CACNA1H: variants seen among roughly 807,000 people sequenced by gnomAD.
CACNA1H encodes calcium voltage-gated channel subunit alpha1 H.
In CACNA1H, 149 loss-of-function variants were observed where a neutral mutation model predicts 192.5. The observed-to-expected ratio is 0.77, with a 90% CI of 0.68 to 0.89. The LOEUF (loss-of-function observed/expected upper bound fraction) is 0.89. Among genes scored for constraint, CACNA1H ranks in the 40% least tolerant of loss-of-function variants. The pLI is 0.00. For synonymous variants in CACNA1H, 2,202 were observed against 1,475.2 expected, an observed-to-expected ratio of 1.49 and a Z score of -11.29; for missense variants, 4,257 against 3,423.5, an observed-to-expected ratio of 1.24 and a Z score of -6.08.
At chr16:1,190,025 G>A (rs11860436) in intron 2 of CACNA1H, among the ~76,000 whole-genome samples, 32 of 152,236 alleles carry the variant, frequency 2.1e-4, no homozygotes, top group African/African-American at 7.2e-4. Context: ...CTTGGTCCAG[G>A]GAGATGAAGG....
intron 2 of CACNA1H, among the ~76,000 whole-genome samples, chr16:1,175,228 C>A (rs1964761760): frequency 6.6e-6 from 1 of 152,186 alleles, no homozygotes; most frequent in African/African-American, 2.4e-5. Flanking sequence ...GTCCACAGCC[C>A]TTATGTGGTG....
intron 2 of CACNA1H, among the ~76,000 whole-genome samples, chr16:1,192,971 C>T (rs1005560865): frequency 3.9e-5 from 6 of 152,072 alleles, no homozygotes; most frequent in African/African-American, 1.5e-4. Flanking sequence ...CCACCACCCC[C>T]CATTGGGTAG....
rs1329869860 is a variant in CACNA1H, at chr16:1,212,005, C to G, written c.4626C>G (p.Val1542=). ...ACTTCATCTCCTTCCTGCTCATCGTCAGCTTCTTCGTGCTCAACATGTTCG... is the reference window on the plus strand; with the variant it reads ...ACTTCATCTCCTTCCTGCTCATCGTGAGCTTCTTCGTGCTCAACATGTTCG... ...LLYFISFLLI[V]SFFVLNMFVG... is the part of the protein sequence containing the mutation. Residue 1542 remains valine, a synonymous_variant, in exon 25 of 35, where the codon GTC becomes GTG. Transcript: ENST00000348261. 1.2e-6 allele frequency: 2 copies of G among 1,613,456 alleles called. No individual in the cohort carries two copies. Among genetic ancestry groups the G allele is most frequent in the African/African-American group, 2.7e-5 (2 of 74,922 alleles).
intron 2 of CACNA1H, among the ~76,000 whole-genome samples, chr16:1,155,364 G>A (rs1203128709): frequency 6.6e-6 from 1 of 152,232 alleles, no homozygotes; most frequent in African/African-American, 2.4e-5. Context: ...TGCAGGCCCG[G>A]CCTTGAAGAG....
chr16:1,153,931 A>T lies in CACNA1H; in HGVS notation c.194A>T (p.Asp65Val). The change falls in exon 2 of 35, where the codon GAC becomes GTC. Residue 65 changes from aspartate to valine, a missense_variant. Coordinates refer to ENST00000348261, the MANE Select transcript of CACNA1H (RefSeq NM_021098.3). ...GAGCGCGGCGCGGAGCTGGGTGCCG[A>T]CGAGGAGCAGCGCGTCCCGTACCCG... The part of the protein sequence containing the change: ...AAERGAELGA[D>V]EEQRVPYPAL... The T allele has an allele frequency of 6.9e-7, 1 of 1,455,912 alleles. No homozygotes were observed. The highest frequency in any genetic ancestry group is 9.1e-7 in the Non-Finnish European group (1 of 1,104,946). 90.2% of individuals were successfully genotyped at this position (1,455,912 alleles called of 1,614,324 possible).
rs1030378085 is a variant in CACNA1H at position 1,207,325 on chromosome 16, C to T, written c.2958C>T (p.Ser986=). 1.2e-6 allele frequency: 2 copies of T among 1,611,232 alleles called. No homozygotes were observed. The highest frequency in any genetic ancestry group is 2.7e-5 in the African/African-American group (2 of 74,876). Residue 986 remains serine, a synonymous_variant, in exon 14 of 35, where the codon TCC becomes TCT. Transcript: ENST00000348261. Reference sequence around the variant, plus strand: ...TGGTCCTGTACAACGGCATGGCCTCCACCTCCTCCTGGGCCGCCCTCTACT... The same window carrying T: ...TGGTCCTGTACAACGGCATGGCCTCTACCTCCTCCTGGGCCGCCCTCTACT... The part of the protein sequence containing the change: ...WNVVLYNGMA[S]TSSWAALYFV...
Position 1,206,186 on chromosome 16 carries a change from C to A in CACNA1H, c.2686C>A (p.Arg896Ser), listed in dbSNP as rs1047092055. 3 of 1,590,324 alleles carry A rather than the reference C, an allele frequency of 1.9e-6. No homozygotes were observed. The highest frequency in any genetic ancestry group is 2.7e-5 in the African/African-American group (2 of 74,530). The change falls in exon 12 of 35, where the codon CGC becomes AGC. Residue 896 changes from arginine to serine, a missense_variant. Transcript: ENST00000348261. ...GCTGCTGCGTGTGCTGAAGCTGGTG[C>A]GCTTTCTGCCAGCCCTGCGGCGCCA... ...FRLLRVLKLVRFLPALRRQLV... is the reference protein window; with the variant it reads ...FRLLRVLKLVSFLPALRRQLV...
rs565417511 is a variant in CACNA1H, at chr16:1,161,001, C to T, written c.299+6965C>T. 6.8e-4 allele frequency among the ~76,000 whole-genome samples: 103 copies of T among 152,252 alleles called. 2 individuals carry two copies. The South Asian group carries it at 0.016, about 23-fold the overall frequency. On this transcript the variant is annotated intron_variant, in intron 2 of 34. Coordinates refer to ENST00000348261, the MANE Select transcript of CACNA1H (RefSeq NM_021098.3). ...GAGCAGGGCTGGCAGGGAGAGGATC[C>T]GGAGGCCCCCACGCTGCCTCGGGGT...
At chr16:1,177,513 CAG>C (rs1243817327) in intron 2 of CACNA1H, among the ~76,000 whole-genome samples, 1 of 152,142 alleles carries the variant, frequency 6.6e-6, no homozygotes, top group African/African-American at 2.4e-5. Context: ...CTGACCGGGG[CAG>C]AGAGTGGAAC....
Position 1,209,223 on chromosome 16 carries a change from GC to G in CACNA1H, c.3558del (p.Arg1189ValfsTer155). On this transcript the variant is annotated frameshift_variant, in exon 17 of 35. Transcript: ENST00000348261. LOFTEE classifies it high-confidence loss of function. ...ACGAAGCTGAGGACGGCAGGGCCGC[GC>G]CCGGGCCCCGTGCCACCCCACTGCG... is the stretch of plus-strand genomic sequence containing the variant. ...DDEAEDGRAA[P>X]GPRATPLRRA... is the part of the protein sequence containing the mutation. The G allele has an allele frequency of 6.5e-7, 1 of 1,545,026 alleles. No individual in the cohort carries two copies. The highest frequency in any genetic ancestry group is 8.7e-7 in the Non-Finnish European group (1 of 1,146,444).
At chr16:1,214,093 G>A (rs1969782477) in intron 27 of CACNA1H, among the ~76,000 whole-genome samples, 162 bp downstream of exon 27, 1 of 151,974 alleles carries the variant, frequency 6.6e-6, no homozygotes, top group Admixed American at 6.5e-5. Context: ...AATGTTGATT[G>A]AAACTCCCCT....
At chr16:1,178,893 G>C (rs985230651) in intron 2 of CACNA1H, among the ~76,000 whole-genome samples, 5 of 152,166 alleles carry the variant, frequency 3.3e-5, no homozygotes, top group African/African-American at 1.2e-4. Context: ...CCCCAGCAGG[G>C]TGGCCCCGCG....
At chr16:1,188,381 C>T (rs1966270443) in intron 2 of CACNA1H, among the ~76,000 whole-genome samples, 2 of 152,166 alleles carry the variant, frequency 1.3e-5, no homozygotes, top group Admixed American at 6.5e-5. Context: ...GAGAGGGGTC[C>T]CACAGCACCT....
intron 27 of CACNA1H, 83 bp downstream of exon 27, chr16:1,214,014 C>G (rs985891870): frequency 1.2e-5 from 15 of 1,209,248 alleles, no homozygotes; most frequent in Non-Finnish European, 1.8e-5. Context: ...AACCCTGGAC[C>G]GGCGCTCCGC....
At chr16:1,184,942 C>G (rs1000653932) in intron 2 of CACNA1H, among the ~76,000 whole-genome samples, 1 of 152,164 alleles carries the variant, frequency 6.6e-6, no homozygotes, top group Non-Finnish European at 1.5e-5. Flanking sequence ...TTTTAAAGCG[C>G]ACGGGTTAGC....
chr16:1,183,961 A>G (rs1259314293), intron 2 of CACNA1H, among the ~76,000 whole-genome samples: 1 of 152,180 alleles, frequency 6.6e-6, no homozygotes, highest in Non-Finnish European at 1.5e-5. Context: ...CCGCCTGGGG[A>G]AGGTGCGTCT....
chr16:1,168,220 C>T (rs1359795071), intron 2 of CACNA1H, among the ~76,000 whole-genome samples: 1 of 151,954 alleles, frequency 6.6e-6, no homozygotes, highest in East Asian at 1.9e-4. Context: ...CAGTTTCTGC[C>T]CAGCTCACCC....
chr16:1,220,190 A>G lies in CACNA1H; in HGVS notation c.6258A>G (p.Pro2086=), dbSNP rs781453065. ...GCGTCTCCAGCCGGCCGGCGGCCCCAGGCGGAGAGGAGGCCGAGGCCTCGG... is the reference window on the plus strand; with the variant it reads ...GCGTCTCCAGCCGGCCGGCGGCCCCGGGCGGAGAGGAGGCCGAGGCCTCGG... ...QRCVSSRPAA[P]GGEEAEASDP... Residue 2086 remains proline (P), a synonymous_variant, in exon 35 of 35, where the codon CCA becomes CCG. Coordinates refer to ENST00000348261, the MANE Select transcript of CACNA1H (RefSeq NM_021098.3). The G allele has an allele frequency of 4.4e-5, 68 of 1,531,496 alleles. 2 individuals are homozygous for G. In the South Asian group the frequency reaches 8.1e-4, roughly 18 times the overall value. 94.9% of individuals were successfully genotyped at this position (1,531,496 alleles called of 1,614,324 possible). A position where few individuals can be genotyped will look rare whatever the true frequency, so the allele number is the denominator to read the frequency against.
chr16:1,202,431 C>T lies in CACNA1H; in HGVS notation c.1981C>T (p.Pro661Ser). The change falls in exon 9 of 35, where the codon CCG (proline) becomes TCG (serine). Residue 661 changes from proline (P) to serine (S), a missense_variant. By Grantham distance (74) the Pro-to-Ser change is moderately conservative (BLOSUM62 -1). Coordinates refer to ENST00000348261, the MANE Select transcript of CACNA1H (RefSeq NM_021098.3). ...LNSPDPYEKI[P>S]HVVGEHGLGQ... ...CAGCCCTGATCCCTACGAGAAGATCCCGCATGTGGTCGGGGAGCATGGTGA... is the reference window on the plus strand; with the variant it reads ...CAGCCCTGATCCCTACGAGAAGATCTCGCATGTGGTCGGGGAGCATGGTGA... The T allele has an allele frequency of 6.6e-7, 1 of 1,506,446 alleles. No individual in the cohort carries two copies. Among genetic ancestry groups the T allele is most frequent in the Non-Finnish European group, 8.9e-7 (1 of 1,122,936 alleles). 93.3% of individuals were successfully genotyped at this position (1,506,446 alleles called of 1,614,324 possible).
Sources: gnomAD v4.1 joint callset for allele counts (sites outside exome capture counted in the v4.1 genomes callset) on GRCh38, gnomAD v4.1.1 for gene constraint, MANE v1.5 for transcripts, NCBI Gene and HGNC (gene_info 2026-07-23, HGNC 2026-07-21) for gene names.